SHB: variants seen among roughly 807,000 people sequenced by gnomAD.
SHB encodes the protein SH2 domain containing adaptor protein B, also known as SH2 domain-containing adapter protein B.
In SHB, 20 loss-of-function variants were observed where a neutral mutation model predicts 52.3. The observed-to-expected ratio is 0.38, with a 90% confidence interval of 0.27 to 0.56. The LOEUF is 0.56. Among genes scored for constraint, SHB ranks in the 20% least tolerant of loss-of-function variants. SHB has a pLI of 0.71. For missense variants in SHB, 825 were observed against 723.3 expected, an observed-to-expected ratio of 1.14 and a Z score of -1.61; for synonymous variants, 397 against 316.5, an observed-to-expected ratio of 1.25 and a Z score of -2.70.
At chr9:37,970,273 A>G (rs1295975642) in intron 3 of SHB, among the ~76,000 whole-genome samples, 1 of 152,224 alleles carries the variant, frequency 6.6e-6, no homozygotes, top group African/African-American at 2.4e-5. Flanking sequence ...TCTCACCAAC[A>G]ACTCTCTGAA....
intron 1 of SHB, among the ~76,000 whole-genome samples, chr9:38,031,676 C>T (rs914542007): frequency 6.6e-6 from 1 of 152,208 alleles, no homozygotes; most frequent in African/African-American, 2.4e-5. Context: ...GAGACCATCA[C>T]GGGAGCTGGT....
chr9:37,975,305 C>A (rs1820641107), intron 2 of SHB, among the ~76,000 whole-genome samples: 1 of 152,236 alleles, frequency 6.6e-6, no homozygotes, highest in Admixed American at 6.5e-5. Flanking sequence ...CCAGCTCACA[C>A]ATTCATTTAA....
intron 3 of SHB, among the ~76,000 whole-genome samples, chr9:37,959,958 A>G (rs1832676739): frequency 6.6e-6 from 1 of 152,216 alleles, no homozygotes. Flanking sequence ...AAATGAAGAA[A>G]CTTAATGAAC....
At chr9:38,066,085 G>C (rs569951989) in intron 1 of SHB, among the ~76,000 whole-genome samples, 1 of 152,300 alleles carries the variant, frequency 6.6e-6, no homozygotes, top group African/African-American at 2.4e-5. Context: ...CCCTGCTCCA[G>C]CACCCAGCAG....
intron 2 of SHB, among the ~76,000 whole-genome samples, chr9:37,978,784 T>C (rs1820686697): frequency 6.6e-6 from 1 of 152,292 alleles, no homozygotes; most frequent in East Asian, 1.9e-4. Context: ...AGCTACTGTG[T>C]AGAGGAGAAG....
intron 2 of SHB, among the ~76,000 whole-genome samples, chr9:38,005,473 G>A (rs1821066708): frequency 6.6e-6 from 1 of 152,190 alleles, no homozygotes. Flanking sequence ...CCGCCACCAA[G>A]GGAGGACTCA....
At chr9:37,933,920 C>G (rs1442215976) in intron 5 of SHB, among the ~76,000 whole-genome samples, 1 of 152,236 alleles carries the variant, frequency 6.6e-6, no homozygotes, top group Admixed American at 6.5e-5. Flanking sequence ...CCCTCAGAGA[C>G]AGGAAGACCC....
chr9:38,051,165 A>G (rs1483206489), intron 1 of SHB, among the ~76,000 whole-genome samples: 1 of 152,134 alleles, frequency 6.6e-6, no homozygotes, highest in African/African-American at 2.4e-5. Flanking sequence ...AAGGCAGGCC[A>G]GGCAGGGTGG....
intron 2 of SHB, among the ~76,000 whole-genome samples, chr9:37,979,629 A>C (rs890302346): frequency 2.0e-5 from 3 of 151,968 alleles, no homozygotes; most frequent in African/African-American, 7.3e-5. Context: ...TGAAAAAAAA[A>C]AAACAAAAAA....
intron 2 of SHB, among the ~76,000 whole-genome samples, chr9:37,982,516 G>T (rs1053084420): frequency 3.9e-5 from 6 of 152,126 alleles, no homozygotes; most frequent in African/African-American, 1.4e-4. Context: ...AAGTAGGCCG[G>T]GTGCAGTGGC....
intron 3 of SHB, among the ~76,000 whole-genome samples, chr9:37,958,062 C>T (rs1455003034): frequency 2.0e-5 from 3 of 152,184 alleles, no homozygotes; most frequent in Admixed American, 6.5e-5. Flanking sequence ...CGCTTCCTTA[C>T]AGGATTGCTG....
chr9:37,919,734 A>T lies in SHB; in HGVS notation c.*87T>A. On this transcript the variant is annotated 3_prime_UTR_variant, in exon 6 of 6. Transcript: ENST00000377707. ...TACACACAACACAAACGACACAGCC[A>T]GCAACAGTGGCTGGGCTGGTTGGTG... The T allele has an allele frequency of 9.5e-7, 1 of 1,047,472 alleles. No homozygotes were observed. The highest frequency in any genetic ancestry group is 1.5e-6 in the Non-Finnish European group (1 of 684,528). 64.9% of individuals were successfully genotyped at this position (1,047,472 alleles called of 1,614,324 possible).
chr9:37,995,020 A>G (rs533054454), intron 2 of SHB, among the ~76,000 whole-genome samples: 22 of 152,272 alleles, frequency 1.4e-4, no homozygotes, highest in Middle Eastern at 3.4e-3. Context: ...TTCATTAAGT[A>G]TATCATCTGC....
chr9:37,957,618 C>T (rs896097700), intron 3 of SHB, among the ~76,000 whole-genome samples: 3 of 152,308 alleles, frequency 2.0e-5, no homozygotes, highest in South Asian at 2.1e-4. Context: ...AGTCCACCCG[C>T]GATGACACTC....
rs536825400 is a variant in SHB, at chr9:38,062,633, G to A, written c.717+5296C>T. Among the ~76,000 whole-genome samples, 3 of 152,284 alleles carry A rather than the reference G, an allele frequency of 2.0e-5. 1 individual carries two copies. The South Asian group carries it at 6.2e-4, about 32-fold the overall frequency. On this transcript the variant is annotated intron_variant, in intron 1 of 5. Coordinates refer to ENST00000377707, the MANE Select transcript of SHB (RefSeq NM_003028.3). Reference sequence around the variant, plus strand: ...ACCAGCCCACCAAACACGTAAGAAAGCCTAGCCAGGATCAGCAGGGCTGCA... The same window carrying A: ...ACCAGCCCACCAAACACGTAAGAAAACCTAGCCAGGATCAGCAGGGCTGCA...
At chr9:37,938,322 A>C (rs965150167) in intron 5 of SHB, among the ~76,000 whole-genome samples, 4 of 152,196 alleles carry the variant, frequency 2.6e-5, no homozygotes, top group African/African-American at 9.6e-5. Flanking sequence ...CTCTCCATGC[A>C]GCCACCCTTT....
At chr9:38,005,897 C>T (rs1229030179) in intron 2 of SHB, among the ~76,000 whole-genome samples, 6 of 152,170 alleles carry the variant, frequency 3.9e-5, no homozygotes, top group East Asian at 1.9e-4. Flanking sequence ...CTCATGGTGG[C>T]CCCCAGGTCC....
At position 38,068,389 on chromosome 9, in the gene SHB, G is replaced by A; in HGVS notation, c.257C>T (p.Ala86Val). ...GTCCTCGAAGTCTCGCTCCTTCTGC[G>A]CGCGGTAGGCGCGGATGAGGTCGCT... ...STSDLIRAYR[A>V]QKERDFEDPY... The change falls in exon 1 of 6, where the codon GCG becomes GTG. Residue 86 changes from alanine to valine, a missense_variant. Physicochemically the swap from Ala to Val is moderately conservative, Grantham distance 64. Transcript: ENST00000377707. 6.4e-7 allele frequency: 1 copy of A among 1,574,546 alleles called. No individual in the cohort carries two copies. The highest frequency in any genetic ancestry group is 8.6e-7 in the Non-Finnish European group (1 of 1,164,006).
At position 38,053,192 on chromosome 9, in the gene SHB, C is replaced by T. The variant is rs568301218; in HGVS notation, c.717+14737G>A. Among the ~76,000 whole-genome samples the T allele has an allele frequency of 4.6e-5, 7 of 152,230 alleles. No individual in the cohort carries two copies. In the South Asian group the frequency reaches 1.0e-3, roughly 23 times the overall value. ...TACCCACTACTAGCAGTGTCATCTA[C>T]GATAAGATACAAACTTGTTTGCCTC... is the stretch of plus-strand genomic sequence containing the variant. On this transcript the variant is annotated intron_variant, in intron 1 of 5. Coordinates refer to ENST00000377707, the MANE Select transcript of SHB (RefSeq NM_003028.3).
Sources: gnomAD v4.1 joint callset for allele counts (sites outside exome capture counted in the v4.1 genomes callset) on GRCh38, gnomAD v4.1.1 for gene constraint, MANE v1.5 for transcripts, NCBI Gene and HGNC (gene_info 2026-07-23, HGNC 2026-07-21) for gene names.